MSRB3: variants seen among roughly 807,000 people sequenced by gnomAD.
MSRB3 encodes methionine sulfoxide reductase B3, also known as methionine-R-sulfoxide reductase B3.
A neutral mutation model predicts 21.0 loss-of-function variants in MSRB3; 13 were observed. That is an observed-to-expected ratio of 0.62 (90% CI 0.40 to 0.98). MSRB3 has a LOEUF of 0.98. Ranked by LOEUF, MSRB3 falls within the 50% of genes least tolerant of loss-of-function variation. The pLI is 0.00. For missense variants in MSRB3, 199 were observed against 230.3 expected (o/e 0.86, Z 0.88); for synonymous variants, 87 against 88.6 (o/e 0.98, Z 0.10).
chr12:65,305,805 G>A (rs969810393), intron 1 of MSRB3, among the ~76,000 whole-genome samples: 2 of 152,174 alleles, frequency 1.3e-5, no homozygotes, highest in Non-Finnish European at 2.9e-5. Flanking sequence ...AACCTATCAA[G>A]TAGTGGTTTT....
rs1055067578 is a variant in MSRB3 at position 65,421,433 on chromosome 12, A to C, written c.293-32295A>C. Among the ~76,000 whole-genome samples, 5 of 152,096 alleles carry C rather than the reference A, an allele frequency of 3.3e-5. No individual in the cohort carries two copies. The South Asian group carries it at 1.0e-3, about 32-fold the overall frequency. ...TAGGTTATCTGTTTACTCTGTTGAT[A>C]GTTTCTTTTGCTGTGCAGAAGCTCT... On this transcript the variant is annotated intron_variant, in intron 5 of 6. Transcript: ENST00000308259.
At chr12:65,313,118 A>G (rs1470806835) in intron 2 of MSRB3, among the ~76,000 whole-genome samples, 1 of 152,102 alleles carries the variant, frequency 6.6e-6, no homozygotes, top group Admixed American at 6.6e-5. Flanking sequence ...TTTTGGTAGT[A>G]AACTGTTTGA....
intron 1 of MSRB3, among the ~76,000 whole-genome samples, chr12:65,283,465 C>G (rs1442105628): frequency 1.3e-5 from 2 of 150,880 alleles, no homozygotes; most frequent in Non-Finnish European, 2.9e-5. Context: ...GGATCTCACT[C>G]TGTCACCCAG....
chr12:65,392,865 A>G (rs1016322330), intron 5 of MSRB3, among the ~76,000 whole-genome samples: 3 of 152,146 alleles, frequency 2.0e-5, no homozygotes, highest in South Asian at 2.1e-4. Context: ...GAGTTCTATT[A>G]TTCAGTAAGG....
intron 1 of MSRB3, among the ~76,000 whole-genome samples, chr12:65,299,836 CT>C (rs1873203585): frequency 6.6e-6 from 1 of 152,160 alleles, no homozygotes; most frequent in Non-Finnish European, 1.5e-5. Flanking sequence ...CTTGCTAATG[CT>C]TACAGTCTGT....
At chr12:65,422,852 A>G (rs1881391850) in intron 5 of MSRB3, among the ~76,000 whole-genome samples, 1 of 151,416 alleles carries the variant, frequency 6.6e-6, no homozygotes, top group African/African-American at 2.4e-5. Flanking sequence ...TGAGTGGTTC[A>G]TTATTAGTGT....
At chr12:65,406,815 T>A (rs1207830381) in intron 5 of MSRB3, among the ~76,000 whole-genome samples, 1 of 152,172 alleles carries the variant, frequency 6.6e-6, no homozygotes, top group Non-Finnish European at 1.5e-5. Context: ...AAGTGTAGGA[T>A]TAATGCCTTA....
chr12:65,391,363 C>T (rs1879472829), intron 5 of MSRB3, among the ~76,000 whole-genome samples: 1 of 152,124 alleles, frequency 6.6e-6, no homozygotes, highest in African/African-American at 2.4e-5. Context: ...GGCTCCTTCC[C>T]CAGAAAATGT....
intron 4 of MSRB3, among the ~76,000 whole-genome samples, chr12:65,365,005 T>C (rs1420098278): frequency 6.6e-6 from 1 of 152,208 alleles, no homozygotes; most frequent in African/African-American, 2.4e-5. Flanking sequence ...CTTACGTGTA[T>C]ATTTTATGTA....
chr12:65,294,990 G>T (rs1262154835), intron 1 of MSRB3, among the ~76,000 whole-genome samples: 1 of 151,948 alleles, frequency 6.6e-6, no homozygotes, highest in African/African-American at 2.4e-5. Flanking sequence ...ACCACATCTG[G>T]TTACTTTTTT....
chr12:65,347,136 C>A (rs918850619), intron 4 of MSRB3, among the ~76,000 whole-genome samples: 1 of 152,156 alleles, frequency 6.6e-6, no homozygotes. Flanking sequence ...TCATTGGTAG[C>A]TTTATGGGGC....
Position 65,336,392 on chromosome 12 carries a change from G to A in MSRB3, c.263+7789G>A, listed in dbSNP as rs532027484. On this transcript the variant is annotated intron_variant, in intron 4 of 6. Coordinates refer to ENST00000308259, the MANE Select transcript of MSRB3 (RefSeq NM_001031679.3). ...CTTTTTAAAAAGTTATATACACACG[G>A]AAAAGAACTGAAGCAATAGATACAA... Among the ~76,000 whole-genome samples the A allele has an allele frequency of 2.6e-5, 4 of 152,248 alleles. No homozygotes were observed. The South Asian group carries it at 8.3e-4, about 32-fold the overall frequency.
intron 1 of MSRB3, among the ~76,000 whole-genome samples, chr12:65,299,145 T>G (rs768468448): frequency 6.6e-6 from 1 of 152,224 alleles, no homozygotes; most frequent in Non-Finnish European, 1.5e-5. Flanking sequence ...ACTTTCATAA[T>G]TTTGGTTAAT....
Position 65,465,160 on chromosome 12 carries a change from GT to G in MSRB3, c.*1842del, listed in dbSNP as rs562974136. On this transcript the variant is annotated 3_prime_UTR_variant, in exon 7 of 7. Transcript: ENST00000308259. ...ATTTCCCTTTGTAGCAACACGGCTA[GT>G]TTTACTTTGAGAAGCTCTGCTCAGC... 5.3e-4 allele frequency: 80 copies of G among 152,338 alleles called. No individual in the cohort carries two copies. Among genetic ancestry groups the G allele is most frequent in the African/African-American group, 1.6e-3 (66 of 41,582 alleles). The allele number at this position is 152,338 out of a possible 1,614,324, so 9.4% of individuals were successfully genotyped here. A position where few individuals can be genotyped will look rare whatever the true frequency, so the allele number is the denominator to read the frequency against.
intron 5 of MSRB3, among the ~76,000 whole-genome samples, chr12:65,396,815 TAAG>T (rs1879845247): frequency 6.6e-6 from 1 of 152,136 alleles, no homozygotes; most frequent in Admixed American, 6.5e-5. Context: ...TATTTCATCT[TAAG>T]AAGACTGTGT....
rs1592639325 is a variant in MSRB3, at chr12:65,439,382, A to T, written c.293-14346A>T. Among the ~76,000 whole-genome samples, 4 of 151,902 alleles carry T rather than the reference A, an allele frequency of 2.6e-5. No homozygotes were observed. The Middle Eastern group carries it at 0.014, about 517-fold the overall frequency. ...CTCAGATTGAGACATATGTGTAGTC[A>T]AACTAAATAAGGATAGAGGATAACC... On this transcript the variant is annotated intron_variant, in intron 5 of 6. Transcript: ENST00000308259.
At position 65,465,890 on chromosome 12, in the gene MSRB3, G is replaced by T. The variant is rs998845039; in HGVS notation, c.*2568G>T. 1.3e-5 allele frequency: 2 copies of T among 152,148 alleles called. No individual in the cohort carries two copies. Among genetic ancestry groups the T allele is most frequent in the African/African-American group, 4.8e-5 (2 of 41,418 alleles). 9.4% of individuals were successfully genotyped at this position (152,148 alleles called of 1,614,324 possible). On this transcript the variant is annotated 3_prime_UTR_variant, in exon 7 of 7. Transcript: ENST00000308259. ...CACGTTGGGGTGGCCAAAGAAATAG[G>T]TCTCTCAGGGCTTTGCCACAGCCTC...
At chr12:65,394,010 G>A (rs3858643) in intron 5 of MSRB3, among the ~76,000 whole-genome samples, 98,804 of 151,790 alleles carry the variant, frequency 0.65, 32,265 homozygotes, top group Admixed American at 0.72. Context: ...AATAAGTAAG[G>A]TAAATTACTC....
At chr12:65,348,628 G>A (rs1876700040) in intron 4 of MSRB3, among the ~76,000 whole-genome samples, 1 of 152,030 alleles carries the variant, frequency 6.6e-6, no homozygotes, top group African/African-American at 2.4e-5. Context: ...CCTTCTGCTA[G>A]CTTTTGAATG....
Sources: allele counts gnomAD v4.1 joint callset (sites outside exome capture counted in the v4.1 genomes callset), GRCh38; gene constraint gnomAD v4.1.1; transcripts MANE v1.5; gene names NCBI Gene and HGNC (gene_info 2026-07-23, HGNC 2026-07-21).